TASP1: variants seen among roughly 807,000 people sequenced by gnomAD.
The protein encoded by TASP1 is threonine aspartase 1.
A neutral mutation model predicts 56.6 loss-of-function variants in TASP1; 16 were observed. The observed-to-expected ratio is 0.28, with a 90% confidence interval of 0.19 to 0.43. TASP1 has a LOEUF of 0.43. Ranked by LOEUF, TASP1 falls within the 20% of genes least tolerant of loss-of-function variation. The pLI, the probability that TASP1 is intolerant of heterozygous loss-of-function variation, is 1.00. For missense variants in TASP1, 393 were observed against 511.6 expected (o/e 0.77, Z 2.24); for synonymous variants, 179 against 184.2 (o/e 0.97, Z 0.23).
At position 13,483,286 on chromosome 20, in the gene TASP1, G is replaced by T. The variant is rs758222205; in HGVS notation, c.926C>A (p.Ala309Asp). ...RTILARECSH[A>D]LQAEDAHQAL... ...TTGGTGAGCATCCTCAGCTTGTAAA[G>T]CATGTGAACATTCTCTAGCCAGTAT... The change falls in exon 11 of 14, where the codon GCT becomes GAT. Residue 309 changes from alanine (A) to aspartate (D), a missense_variant. By Grantham distance (126) the Ala-to-Asp change is moderately radical (BLOSUM62 -2). Coordinates refer to ENST00000337743, the MANE Select transcript of TASP1 (RefSeq NM_017714.3). 2 of 1,605,208 alleles carry T rather than the reference G, an allele frequency of 1.2e-6. No individual in the cohort carries two copies. Among genetic ancestry groups the T allele is most frequent in the East Asian group, 2.2e-5 (1 of 44,486 alleles).
the TASP1 span, among the ~76,000 whole-genome samples, chr20:13,317,626 A>T: frequency 6.6e-6 from 1 of 152,012 alleles, no homozygotes; most frequent in Non-Finnish European, 1.5e-5. Flanking sequence ...AGAGAGCCAG[A>T]GAATAGACCT....
chr20:13,479,128 C>T (rs946348960), intron 11 of TASP1, among the ~76,000 whole-genome samples: 1 of 151,780 alleles, frequency 6.6e-6, no homozygotes, highest in South Asian at 2.1e-4. Context: ...ATATACATAC[C>T]AATCTGTTAG....
chr20:13,290,070 G>A, the TASP1 span, among the ~76,000 whole-genome samples: 7 of 152,180 alleles, frequency 4.6e-5, no homozygotes, highest in Non-Finnish European at 7.3e-5. Context: ...AAGGGGACAC[G>A]TAGAAAACAG....
At chr20:13,330,655 T>C in the TASP1 span, among the ~76,000 whole-genome samples, 1 of 152,204 alleles carries the variant, frequency 6.6e-6, no homozygotes, top group Non-Finnish European at 1.5e-5. Flanking sequence ...GATTTCCTTT[T>C]GTGGAAGATT....
chr20:13,508,228 C>G (rs982741465), intron 10 of TASP1, among the ~76,000 whole-genome samples: 5 of 150,392 alleles, frequency 3.3e-5, no homozygotes, highest in African/African-American at 1.2e-4. Flanking sequence ...GCACAGGCAA[C>G]AAAAGCAAAA....
At chr20:13,516,961 T>C (rs777582824) in intron 10 of TASP1, among the ~76,000 whole-genome samples, 90 of 151,900 alleles carry the variant, frequency 5.9e-4, no homozygotes, top group Non-Finnish European at 1.1e-3. Context: ...TAAAAACAAC[T>C]GGTTTTGTTG....
chr20:13,566,955 T>C (rs1255149807), intron 7 of TASP1, among the ~76,000 whole-genome samples: 1 of 152,214 alleles, frequency 6.6e-6, no homozygotes, highest in Non-Finnish European at 1.5e-5. Context: ...CAAGTTGTTC[T>C]GTCATAAAGA....
chr20:13,562,405 G>C (rs2046372241), intron 7 of TASP1, among the ~76,000 whole-genome samples: 1 of 151,536 alleles, frequency 6.6e-6, no homozygotes, highest in Non-Finnish European at 1.5e-5. Context: ...GATCAGAGTG[G>C]AGATAAATAA....
intron 7 of TASP1, among the ~76,000 whole-genome samples, chr20:13,568,330 C>G (rs536713915): frequency 1.3e-5 from 2 of 152,010 alleles, no homozygotes; most frequent in Non-Finnish European, 2.9e-5. Flanking sequence ...CCCTATTTAA[C>G]TAAGTTGGTT....
chr20:13,351,706 G>A, the TASP1 span, among the ~76,000 whole-genome samples: 1 of 152,122 alleles, frequency 6.6e-6, no homozygotes, highest in East Asian at 1.9e-4. Context: ...TAATTGTGGT[G>A]GTGGTGGTTA....
chr20:13,491,571 A>G (rs1183335783), intron 10 of TASP1, among the ~76,000 whole-genome samples: 1 of 152,164 alleles, frequency 6.6e-6, no homozygotes, highest in Non-Finnish European at 1.5e-5. Flanking sequence ...AGCTCCAGTG[A>G]TAGATGCAGC....
chr20:13,152,377 T>A, the TASP1 span, among the ~76,000 whole-genome samples: 1 of 152,162 alleles, frequency 6.6e-6, no homozygotes, highest in Non-Finnish European at 1.5e-5. Context: ...CCACCTGAAT[T>A]ACTCATGACA....
In TASP1 at chr20:13,489,719, CA is replaced by C. The variant is rs1485887151; in HGVS notation, c.875-6383del. Among the ~76,000 whole-genome samples, 31 of 152,208 alleles carry C rather than the reference CA, an allele frequency of 2.0e-4. 3 individuals are homozygous for C. The highest frequency in any genetic ancestry group is 7.2e-4 in the African/African-American group (30 of 41,542). On this transcript the variant is annotated intron_variant, in intron 10 of 13. Coordinates refer to ENST00000337743, the MANE Select transcript of TASP1 (RefSeq NM_017714.3). ...AACCTGCCGCTTTAGCAACGCAATTCAGTTCTCTTTTTTAAGGCTACATCCA... is the reference window on the plus strand; with the variant it reads ...AACCTGCCGCTTTAGCAACGCAATTCGTTCTCTTTTTTAAGGCTACATCCA...
chr20:13,453,317 T>C (rs1230611883), intron 11 of TASP1, among the ~76,000 whole-genome samples: 1 of 152,092 alleles, frequency 6.6e-6, no homozygotes, highest in Non-Finnish European at 1.5e-5. Flanking sequence ...GGAATTGCTA[T>C]AAAAGACAGC....
intron 4 of TASP1, among the ~76,000 whole-genome samples, chr20:13,622,848 AT>A (rs932465890): frequency 6.6e-6 from 1 of 152,198 alleles, no homozygotes; most frequent in Non-Finnish European, 1.5e-5. Context: ...AGACCTCAAT[AT>A]CCCCTGCACA....
the TASP1 span, among the ~76,000 whole-genome samples, chr20:13,126,434 G>A: frequency 6.6e-6 from 1 of 152,194 alleles, no homozygotes; most frequent in Non-Finnish European, 1.5e-5. Flanking sequence ...AAAATAAATA[G>A]TTTGATGAAA....
chr20:13,619,062 A>C (rs2048621756), intron 4 of TASP1, among the ~76,000 whole-genome samples: 1 of 151,952 alleles, frequency 6.6e-6, no homozygotes, highest in Non-Finnish European at 1.5e-5. Context: ...TTTATTAGAG[A>C]CGGGGTTTCA....
the TASP1 span, among the ~76,000 whole-genome samples, chr20:13,108,536 A>G: frequency 6.6e-6 from 1 of 152,186 alleles, no homozygotes; most frequent in East Asian, 1.9e-4. Context: ...CTTTGTCTGT[A>G]GTGGTCAAAA....
chr20:13,591,046 G>A (rs556702220), intron 4 of TASP1, among the ~76,000 whole-genome samples: 5 of 149,768 alleles, frequency 3.3e-5, no homozygotes, highest in Admixed American at 3.3e-4. Context: ...AAAATACTAA[G>A]AAAAGGAAAA....
Sources: gnomAD v4.1 joint callset for allele counts (sites outside exome capture counted in the v4.1 genomes callset) on GRCh38, gnomAD v4.1.1 for gene constraint, MANE v1.5 for transcripts, NCBI Gene and HGNC (gene_info 2026-07-23, HGNC 2026-07-21) for gene names.